Variants in NTN1 observed in about 807,000 individuals in gnomAD.
The protein encoded by NTN1 is netrin 1.
In NTN1, 11 loss-of-function variants were observed where a neutral mutation model predicts 54.2. That is an observed-to-expected ratio of 0.20 (90% CI 0.13 to 0.34). The LOEUF is 0.34. Ranked by LOEUF, NTN1 falls within the 10% of genes least tolerant of loss-of-function variation. The pLI is 1.00. For synonymous variants in NTN1, 371 were observed against 382.0 expected (o/e 0.97, Z 0.33); for missense variants, 740 against 893.1 (o/e 0.83, Z 2.18).
the NTN1 span, among the ~76,000 whole-genome samples, chr17:9,015,793 G>A: frequency 1.3e-5 from 2 of 151,910 alleles, no homozygotes; most frequent in Admixed American, 6.6e-5. Flanking sequence ...ACTCCGGGCC[G>A]AGCGTGGTGG....
intron 2 of NTN1, among the ~76,000 whole-genome samples, chr17:9,095,491 C>G (rs1332227493): frequency 1.3e-5 from 2 of 152,180 alleles, no homozygotes; most frequent in African/African-American, 4.8e-5. Flanking sequence ...GGACCTTTCC[C>G]TAACGCATTC....
chr17:9,044,245 T>C (rs75515205), intron 2 of NTN1, among the ~76,000 whole-genome samples: 1 of 136,224 alleles, frequency 7.3e-6, no homozygotes. Context: ...TTTTTTTTTT[T>C]CCTTTTTGGG....
intron 2 of NTN1, 147 bp from the exon 3 acceptor site, chr17:9,162,663 CGAG>C (rs1370907467): frequency 5.5e-6 from 4 of 728,674 alleles, no homozygotes; most frequent in Non-Finnish European, 9.3e-6. Context: ...CAGGAGGAGC[CGAG>C]GAGGAGCTCC....
intron 2 of NTN1, among the ~76,000 whole-genome samples, chr17:9,058,876 T>C (rs917680829): frequency 3.3e-5 from 5 of 152,100 alleles, no homozygotes; most frequent in Middle Eastern, 3.4e-3. Flanking sequence ...AGTAGAGTGG[T>C]TTAAGAGCCC....
At chr17:9,139,894 T>C (rs974805500) in intron 2 of NTN1, among the ~76,000 whole-genome samples, 2 of 150,610 alleles carry the variant, frequency 1.3e-5, no homozygotes, top group Non-Finnish European at 1.5e-5. Flanking sequence ...TATTCATTCA[T>C]CCATTCATCC....
chr17:9,089,044 G>C (rs946552188), intron 2 of NTN1, among the ~76,000 whole-genome samples: 2 of 152,144 alleles, frequency 1.3e-5, no homozygotes, highest in Non-Finnish European at 2.9e-5. Flanking sequence ...CCAGCTTAGG[G>C]TACAGAGTCT....
At chr17:9,202,952 C>T (rs1481578343) in intron 5 of NTN1, among the ~76,000 whole-genome samples, 1 of 152,016 alleles carries the variant, frequency 6.6e-6, no homozygotes, top group Non-Finnish European at 1.5e-5. Flanking sequence ...GATGGAGTCT[C>T]TCTCTGTCGG....
intron 2 of NTN1, among the ~76,000 whole-genome samples, chr17:9,056,090 C>T (rs1474997771): frequency 6.6e-6 from 1 of 151,822 alleles, no homozygotes; most frequent in Admixed American, 6.6e-5. Context: ...GAGTTTCCCT[C>T]TTGTTGCCCA....
At chr17:9,228,706 C>T (rs1186240515) in intron 6 of NTN1, among the ~76,000 whole-genome samples, 4 of 152,200 alleles carry the variant, frequency 2.6e-5, no homozygotes, top group Non-Finnish European at 5.9e-5. Context: ...ATGCTTCTCA[C>T]AGGACGATTT....
At chr17:9,109,568 A>G (rs184906533) in intron 2 of NTN1, among the ~76,000 whole-genome samples, 32 of 152,302 alleles carry the variant, frequency 2.1e-4, no homozygotes, top group Non-Finnish European at 4.4e-4. Flanking sequence ...GTTTTTTCCT[A>G]TTATAAACAT....
intron 2 of NTN1, among the ~76,000 whole-genome samples, chr17:9,073,376 T>A (rs2092039046): frequency 6.6e-6 from 1 of 152,210 alleles, no homozygotes; most frequent in African/African-American, 2.4e-5. Flanking sequence ...ACGAGAGTTC[T>A]CCATCACCTC....
chr17:9,061,111 A>T (rs764457955), intron 2 of NTN1, among the ~76,000 whole-genome samples: 1 of 152,156 alleles, frequency 6.6e-6, no homozygotes, highest in Non-Finnish European at 1.5e-5. Flanking sequence ...CAGGGGAAAG[A>T]TCATCATGTT....
At chr17:9,005,558 G>A in the NTN1 span, among the ~76,000 whole-genome samples, 4 of 152,084 alleles carry the variant, frequency 2.6e-5, no homozygotes, top group African/African-American at 9.7e-5. Context: ...TGATGCAGGT[G>A]GTATAAGGAC....
chr17:9,115,616 C>T (rs771378532), intron 2 of NTN1, among the ~76,000 whole-genome samples: 1 of 152,256 alleles, frequency 6.6e-6, no homozygotes, highest in Non-Finnish European at 1.5e-5. Flanking sequence ...CACTCAGAGG[C>T]CTCAGAAGGA....
At chr17:9,025,621 T>C (rs564541791) in intron 2 of NTN1, among the ~76,000 whole-genome samples, 3 of 152,246 alleles carry the variant, frequency 2.0e-5, no homozygotes, top group South Asian at 2.1e-4. Flanking sequence ...CCTTTTTGAA[T>C]AGATGTTCTG....
chr17:9,122,623 A>AT (rs1400251258), intron 2 of NTN1, among the ~76,000 whole-genome samples: 1 of 152,126 alleles, frequency 6.6e-6, no homozygotes, highest in African/African-American at 2.4e-5. Flanking sequence ...TTCTTATTGT[A>AT]TTTTTCATGT....
At chr17:9,107,567 G>T (rs2092171910) in intron 2 of NTN1, among the ~76,000 whole-genome samples, 1 of 152,206 alleles carries the variant, frequency 6.6e-6, no homozygotes, top group Non-Finnish European at 1.5e-5. Flanking sequence ...GGAAGCCCAG[G>T]TTGTGGCTGA....
intron 2 of NTN1, among the ~76,000 whole-genome samples, chr17:9,049,222 T>C (rs1416907585): frequency 6.6e-6 from 1 of 152,194 alleles, no homozygotes; most frequent in Non-Finnish European, 1.5e-5. Flanking sequence ...AATCACAAGG[T>C]CTGCTAAAGT....
At chr17:9,236,848 G>A (rs1906008168) in intron 6 of NTN1, among the ~76,000 whole-genome samples, 1 of 152,230 alleles carries the variant, frequency 6.6e-6, no homozygotes, top group African/African-American at 2.4e-5. Flanking sequence ...TGGATGCCAT[G>A]CCTGGTTTCC....
Sources: gnomAD v4.1 joint callset for allele counts (sites outside exome capture counted in the v4.1 genomes callset) on GRCh38, gnomAD v4.1.1 for gene constraint, MANE v1.5 for transcripts, NCBI Gene and HGNC (gene_info 2026-07-23, HGNC 2026-07-21) for gene names.